Variants in FRMD7 observed in about 807,000 individuals in gnomAD.
The protein encoded by FRMD7 is FERM domain-containing protein 7.
FRMD7 carries 14 observed loss-of-function variants against 44.1 expected under a neutral mutation model. The observed-to-expected ratio is 0.32, with a 90% CI of 0.21 to 0.50. The LOEUF is 0.50. Ranked by LOEUF, FRMD7 falls within the 20% of genes least tolerant of loss-of-function variation. The pLI is 0.99. For missense variants in FRMD7, 501 were observed against 522.3 expected (o/e 0.96, Z 0.40); for synonymous variants, 212 against 187.4 (o/e 1.13, Z -1.07).
At chrX:132,103,365 T>C (rs1928556054) in intron 1 of FRMD7, among the ~76,000 whole-genome samples, 1 of 111,396 alleles carries the variant, frequency 9.0e-6, no homozygotes, top group Non-Finnish European at 1.9e-5. Flanking sequence ...GCTGGTACTT[T>C]TCAATATCCT....
At chrX:132,110,312 G>A (rs1342264584) in intron 1 of FRMD7, among the ~76,000 whole-genome samples, 3 of 110,960 alleles carry the variant, frequency 2.7e-5, no homozygotes, top group African/African-American at 9.9e-5. Flanking sequence ...TAATTCAGGT[G>A]AGAGAAGATG....
chrX:132,112,544 C>T (rs1312472134), intron 1 of FRMD7, among the ~76,000 whole-genome samples: 2 of 111,594 alleles, frequency 1.8e-5, no homozygotes, highest in African/African-American at 3.3e-5. Flanking sequence ...GTGTGAAATT[C>T]GCACCAAATT....
intron 1 of FRMD7, among the ~76,000 whole-genome samples, chrX:132,116,837 A>G (rs1401975137): frequency 8.9e-6 from 1 of 112,161 alleles, no homozygotes; most frequent in Non-Finnish European, 1.9e-5. Context: ...AATGAAATCT[A>G]AAAATACAAT....
chrX:132,081,737 C>T (rs1269113731), intron 9 of FRMD7, among the ~76,000 whole-genome samples: 1 of 112,091 alleles, frequency 8.9e-6, no homozygotes, highest in East Asian at 2.8e-4. Flanking sequence ...CAACGGATTC[C>T]TAGGCTGACG....
At chrX:132,105,512 T>G (rs1928622116) in intron 1 of FRMD7, among the ~76,000 whole-genome samples, 1 of 111,750 alleles carries the variant, frequency 8.9e-6, no homozygotes, top group Admixed American at 9.6e-5. Flanking sequence ...AAAAATTTTT[T>G]TAAATTCACG....
intron 2 of FRMD7, among the ~76,000 whole-genome samples, chrX:132,099,902 T>C (rs1204606246): frequency 3.6e-5 from 4 of 111,847 alleles, no homozygotes; most frequent in African/African-American, 1.3e-4. Flanking sequence ...TCTGGGAAGA[T>C]GCCAGATCAC....
At chrX:132,120,543 C>T (rs776773633) in intron 1 of FRMD7, among the ~76,000 whole-genome samples, 1 of 113,206 alleles carries the variant, frequency 8.8e-6, no homozygotes, top group East Asian at 2.8e-4. Flanking sequence ...CCAATCTCTT[C>T]CGCCATGGCC....
At chrX:132,120,803 T>C (rs1929015408) in intron 1 of FRMD7, among the ~76,000 whole-genome samples, 1 of 112,220 alleles carries the variant, frequency 8.9e-6, no homozygotes, top group Non-Finnish European at 1.9e-5. Flanking sequence ...AAGCACTTTT[T>C]TTCAGTTCAA....
intron 1 of FRMD7, among the ~76,000 whole-genome samples, chrX:132,112,762 C>T (rs1928809760): frequency 9.0e-6 from 1 of 110,968 alleles, no homozygotes; most frequent in Non-Finnish European, 1.9e-5. Context: ...GCCAACCAAA[C>T]CAAGCTAGGA....
At chrX:132,086,386 G>C (rs1288045271) in intron 5 of FRMD7, among the ~76,000 whole-genome samples, 1 of 111,449 alleles carries the variant, frequency 9.0e-6, no homozygotes, top group Non-Finnish European at 1.9e-5. Flanking sequence ...GGTATAGGTG[G>C]AACTATGTCC....
At chrX:132,091,382 G>A (rs996395778) in intron 5 of FRMD7, among the ~76,000 whole-genome samples, 2 of 111,300 alleles carry the variant, frequency 1.8e-5, no homozygotes, top group Non-Finnish European at 3.8e-5. Flanking sequence ...CCCCAGGCAT[G>A]CTCTCACCTC....
chrX:132,103,504 CTAT>C lies in FRMD7; in HGVS notation c.58-2791_58-2789del, dbSNP rs1291638092. Among the ~76,000 whole-genome samples the C allele has an allele frequency of 9.1e-5, 10 of 109,432 alleles. No individual in the cohort carries two copies. In the East Asian group the frequency reaches 2.3e-3, roughly 25 times the overall value. On this transcript the variant is annotated intron_variant, in intron 1 of 11. Coordinates refer to ENST00000298542, the MANE Select transcript of FRMD7 (RefSeq NM_194277.3). The stretch of plus-strand genomic sequence containing the variant: ...TTTAAATGTCTATCTATCTATCTAT[CTAT>C]CTATCTATCTATCTATCTATCTATC...
intron 7 of FRMD7, 95 bp from the exon 8 acceptor site, chrX:132,084,680 G>C: frequency 1.9e-6 from 1 of 540,085 alleles, no homozygotes; most frequent in Non-Finnish European, 3.4e-6. Context: ...TAATGAGAGG[G>C]ACCGCCCTTG....
At chrX:132,097,464 C>G (rs1174458231) in intron 3 of FRMD7, 120 bp from the exon 4 acceptor site, 2 of 542,647 alleles carry the variant, frequency 3.7e-6, no homozygotes, top group Admixed American at 2.4e-5. Context: ...CGTCCCCTCC[C>G]CATCACTCCC....
At chrX:132,114,041 A>G (rs1928842677) in intron 1 of FRMD7, among the ~76,000 whole-genome samples, 1 of 106,734 alleles carries the variant, frequency 9.4e-6, no homozygotes, top group Admixed American at 1.0e-4. Context: ...CCTTCTGCTT[A>G]TGACTTCAAT....
rs138670618 is a variant in FRMD7 at position 132,080,899 on chromosome X, C to T, written c.906-633G>A. Among the ~76,000 whole-genome samples, 17 of 111,923 alleles carry T rather than the reference C, an allele frequency of 1.5e-4. No individual in the cohort carries two copies. In the East Asian group the frequency reaches 4.8e-3, roughly 31 times the overall value. On this transcript the variant is annotated intron_variant, in intron 9 of 11. Transcript: ENST00000298542. ...ACTGACTGATTTTCCATACTACTTT[C>T]AATGAGGTTACTTATCTGGTTTCCC... is the stretch of plus-strand genomic sequence containing the variant.
In FRMD7 at chrX:132,082,360, T is replaced by C; in HGVS notation, c.905+3A>G. 8.3e-7 allele frequency: 1 copy of C among 1,205,992 alleles called. No individual in the cohort carries two copies. The highest frequency in any genetic ancestry group is 1.1e-6 in the Non-Finnish European group (1 of 890,332). On this transcript the variant is annotated splice_donor_region_variant and intron_variant, in intron 9 of 11. Transcript: ENST00000298542. ...AGTTTGCCTATGTGCATTGTTTAAT[T>C]ACCTATAGCGGAAACTGGAACCCTT...
intron 5 of FRMD7, among the ~76,000 whole-genome samples, chrX:132,088,100 A>G (rs1203998638): frequency 8.9e-6 from 1 of 112,571 alleles, no homozygotes; most frequent in Non-Finnish European, 1.9e-5. Context: ...AAGATCAGAA[A>G]TCAGGTAAAG....
rs1460187770 is a variant in FRMD7 at position 132,078,096 on chromosome X, T to C, written c.1921A>G (p.Thr641Ala). 8.3e-7 allele frequency: 1 copy of C among 1,211,633 alleles called. No individual in the cohort carries two copies. Among genetic ancestry groups the C allele is most frequent in the Non-Finnish European group, 1.1e-6 (1 of 895,207 alleles). The change falls in exon 12 of 12, where the codon ACA becomes GCA. Residue 641 changes from threonine (T) to alanine (A), a missense_variant. Physicochemically the swap from Thr to Ala is moderately conservative, Grantham distance 58 (BLOSUM62 0). Around this residue, in one of 3 missense-constraint regions of FRMD7, gnomAD observed 453 missense variants for 452.7 expected, o/e 1.00. Transcript: ENST00000298542. ...TCACTAGCTACATACCTTTCTGCTG[T>C]ACTTTGATCCATTAGAACTGCTGGC... ...ELPAVLMDQS[T>A]AERYVASESS...
Sources: allele counts gnomAD v4.1 joint callset (sites outside exome capture counted in the v4.1 genomes callset), GRCh38; gene constraint gnomAD v4.1.1; regional missense constraint gnomAD v4.1.1; transcripts MANE v1.5; gene names NCBI Gene and HGNC (gene_info 2026-07-23, HGNC 2026-07-21).